Variants in HEBP2 observed in about 807,000 individuals in gnomAD.
The protein encoded by HEBP2 is heme-binding protein 2.
A neutral mutation model predicts 23.1 loss-of-function variants in HEBP2; 27 were observed. The observed-to-expected ratio is 1.17, with a 90% CI of 0.86 to 1.61. The LOEUF is 1.61. Ranked by LOEUF, HEBP2 falls within the 40% of genes most tolerant of loss-of-function variation. The pLI is 0.00. For synonymous variants in HEBP2, 99 were observed against 95.1 expected, an observed-to-expected ratio of 1.04 and a Z score of -0.24; for missense variants, 245 against 253.8, an observed-to-expected ratio of 0.97 and a Z score of 0.24.
chr6:138,406,350 G>T (rs1389941056), intron 3 of HEBP2, among the ~76,000 whole-genome samples, 199 bp downstream of exon 3: 2 of 152,210 alleles, frequency 1.3e-5, no homozygotes. Flanking sequence ...TTCATTTAAT[G>T]AGTCTATTGC....
At position 138,405,069 on chromosome 6, in the gene HEBP2, C is replaced by T. The variant is rs1392285562; in HGVS notation, c.103-76C>T. The T allele has an allele frequency of 3.9e-6, 6 of 1,525,626 alleles. No individual in the cohort carries two copies. The Admixed American group carries it at 7.5e-5, about 19-fold the overall frequency. The allele number at this position is 1,525,626 out of a possible 1,614,324, so 94.5% of individuals were successfully genotyped here. A position where few individuals can be genotyped will look rare whatever the true frequency, so the allele number is the denominator to read the frequency against. ...GGACGGCTCCAGGTCGACCCGAGAT[C>T]ATGGCACCGGTATTTTTGCATCTCA... On this transcript the variant is annotated intron_variant, in intron 1 of 3. Transcript: ENST00000607197.
At chr6:138,408,510 C>T (rs775357056) in intron 3 of HEBP2, among the ~76,000 whole-genome samples, 3 of 152,032 alleles carry the variant, frequency 2.0e-5, no homozygotes, top group African/African-American at 2.4e-5. Flanking sequence ...TGGCCTTTAC[C>T]GCAAATCACC....
chr6:138,414,459 C>G lies in HEBP2; in HGVS notation c.*1381C>G, dbSNP rs536461825. ...AAATTGTCATTGATTGTTTCTGGTA[C>G]TTAATTGCTACTGTGGCCAAAGGAT... On this transcript the variant is annotated 3_prime_UTR_variant, in exon 4 of 4. Coordinates refer to ENST00000607197, the MANE Select transcript of HEBP2 (RefSeq NM_014320.3). 2.6e-5 allele frequency: 4 copies of G among 152,280 alleles called. No homozygotes were observed. In the South Asian group the frequency reaches 8.3e-4, roughly 32 times the overall value. 9.4% of individuals were successfully genotyped at this position (152,280 alleles called of 1,614,324 possible). A position where few individuals can be genotyped will look rare whatever the true frequency, so the allele number is the denominator to read the frequency against.
upstream of HEBP2, among the ~76,000 whole-genome samples, chr6:138,403,907 A>G (rs1379913529): frequency 1.3e-5 from 2 of 152,104 alleles, no homozygotes; most frequent in African/African-American, 2.4e-5. Flanking sequence ...ACCTAGGACA[A>G]CTTCTTGGGA....
In HEBP2 at chr6:138,420,126, G is replaced by A. The variant is rs1280973578; in HGVS notation, c.*7048G>A. The A allele has an allele frequency of 6.6e-6, 1 of 152,236 alleles. No individual in the cohort carries two copies. Among genetic ancestry groups the A allele is most frequent in the African/African-American group, 2.4e-5 (1 of 41,434 alleles). The allele number at this position is 152,236 out of a possible 1,614,324, so 9.4% of individuals were successfully genotyped here. ...TGGACTAGTGCAGCAACCCTGGTCTGAGAAGGGTTTGGCTCCCAGGAGCTC... is the reference window on the plus strand; with the variant it reads ...TGGACTAGTGCAGCAACCCTGGTCTAAGAAGGGTTTGGCTCCCAGGAGCTC... On this transcript the variant is annotated 3_prime_UTR_variant, in exon 4 of 4. Transcript: ENST00000607197.
chr6:138,413,753 C>T lies in HEBP2; in HGVS notation c.*675C>T, dbSNP rs1774793874. The T allele has an allele frequency of 6.6e-6, 1 of 152,238 alleles. No individual in the cohort carries two copies. The highest frequency in any genetic ancestry group is 2.4e-5 in the African/African-American group (1 of 41,428). The allele number at this position is 152,238 out of a possible 1,614,324, so 9.4% of individuals were successfully genotyped here. A position where few individuals can be genotyped will look rare whatever the true frequency, so the allele number is the denominator to read the frequency against. On this transcript the variant is annotated 3_prime_UTR_variant, in exon 4 of 4. Transcript: ENST00000607197. ...TTCTTTAACTCATTGTAGGGAGTCC[C>T]TGCTATGTTCCAAGCACTCTGCTAA...
rs1774849830 is a variant in HEBP2 at position 138,416,871 on chromosome 6, C to T, written c.*3793C>T. 1 of 152,210 alleles carries T rather than the reference C, an allele frequency of 6.6e-6. No individual in the cohort carries two copies. The highest frequency in any genetic ancestry group is 1.5e-5 in the Non-Finnish European group (1 of 68,046). 9.4% of individuals were successfully genotyped at this position (152,210 alleles called of 1,614,324 possible). On this transcript the variant is annotated 3_prime_UTR_variant, in exon 4 of 4. Transcript: ENST00000607197. ...CAAAAACATGATTCCTTGCCAGTTT[C>T]TAGTTCAGTTTTCTGACCTAGAGCT...
Position 138,420,465 on chromosome 6 carries a change from A to G in HEBP2, c.*7387A>G, listed in dbSNP as rs1327091622. 6.6e-6 allele frequency: 1 copy of G among 152,202 alleles called. No individual in the cohort carries two copies. Among genetic ancestry groups the G allele is most frequent in the African/African-American group, 2.4e-5 (1 of 41,436 alleles). 9.4% of individuals were successfully genotyped at this position (152,202 alleles called of 1,614,324 possible). A position where few individuals can be genotyped will look rare whatever the true frequency, so the allele number is the denominator to read the frequency against. On this transcript the variant is annotated 3_prime_UTR_variant, in exon 4 of 4. Transcript: ENST00000607197. ...AGCGGTGCCACTTAGATCCCCCTTC[A>G]AGACAAGATATGCCATCCAGCTGCA...
At chr6:138,406,434 C>A (rs1774647213) in intron 3 of HEBP2, among the ~76,000 whole-genome samples, 1 of 152,172 alleles carries the variant, frequency 6.6e-6, no homozygotes, top group Non-Finnish European at 1.5e-5. Flanking sequence ...TAGACCTGAA[C>A]AAAAATACCT....
rs935316920 is a variant in HEBP2 at position 138,419,670 on chromosome 6, T to C, written c.*6592T>C. ...CCGTCTCCTGCACACAGTATACTTATTGAATCAGAAAGCCTGTATGATGCT... is the reference window on the plus strand; with the variant it reads ...CCGTCTCCTGCACACAGTATACTTACTGAATCAGAAAGCCTGTATGATGCT... On this transcript the variant is annotated 3_prime_UTR_variant, in exon 4 of 4. Transcript: ENST00000607197. The C allele has an allele frequency of 5.3e-5, 8 of 152,130 alleles. No homozygotes were observed. The highest frequency in any genetic ancestry group is 8.8e-5 in the Non-Finnish European group (6 of 68,026). 9.4% of individuals were successfully genotyped at this position (152,130 alleles called of 1,614,324 possible). A position where few individuals can be genotyped will look rare whatever the true frequency, so the allele number is the denominator to read the frequency against.
At chr6:138,409,023 CT>C (rs949482319) in intron 3 of HEBP2, among the ~76,000 whole-genome samples, 14 of 147,182 alleles carry the variant, frequency 9.5e-5, no homozygotes, top group South Asian at 2.2e-4. Context: ...ATAGGCTCCT[CT>C]TTTTTTTTTT....
rs1774927763 is a variant in HEBP2, at chr6:138,421,436, G to A, written c.*8358G>A. 6.6e-6 allele frequency: 1 copy of A among 152,340 alleles called. No homozygotes were observed. The highest frequency in any genetic ancestry group is 1.5e-5 in the Non-Finnish European group (1 of 68,046). 9.4% of individuals were successfully genotyped at this position (152,340 alleles called of 1,614,324 possible). On this transcript the variant is annotated 3_prime_UTR_variant, in exon 4 of 4. Coordinates refer to ENST00000607197, the MANE Select transcript of HEBP2 (RefSeq NM_014320.3). Reference sequence around the variant, plus strand: ...GTTCAATCAAGATTCTTCAGAAATAGTAGGATGGCAGAAAGCAGATCGCAT... The same window carrying A: ...GTTCAATCAAGATTCTTCAGAAATAATAGGATGGCAGAAAGCAGATCGCAT...
At chr6:138,404,628 G>A in intron 1 of HEBP2, 31 bp downstream of exon 1, 1 of 1,242,248 alleles carries the variant, frequency 8.0e-7, no homozygotes, top group Non-Finnish European at 1.0e-6. Flanking sequence ...GGAGGGGCTG[G>A]GCCCGCCTTC....
Position 138,404,412 on chromosome 6 carries a change from C to G in HEBP2, c.-84C>G, listed in dbSNP as rs1392259297. 2 of 946,160 alleles carry G rather than the reference C, an allele frequency of 2.1e-6. No individual in the cohort carries two copies. Among genetic ancestry groups the G allele is most frequent in the Admixed American group, 4.5e-5 (1 of 22,180 alleles). 58.6% of individuals were successfully genotyped at this position (946,160 alleles called of 1,614,324 possible). A position where few individuals can be genotyped will look rare whatever the true frequency, so the allele number is the denominator to read the frequency against. ...GCGGAGCGGGGACTCGGGGCCTCGG[C>G]GGGGCGCGCACACGCAGGCGGGGCG... On this transcript the variant is annotated 5_prime_UTR_variant, in exon 1 of 4. Coordinates refer to ENST00000607197, the MANE Select transcript of HEBP2 (RefSeq NM_014320.3).
chr6:138,408,346 G>A (rs1251280226), intron 3 of HEBP2, among the ~76,000 whole-genome samples: 1 of 152,182 alleles, frequency 6.6e-6, no homozygotes, highest in Non-Finnish European at 1.5e-5. Flanking sequence ...CTTAGAAAAT[G>A]TTCAGCCAAA....
rs551363132 is a variant in HEBP2 at position 138,406,612 on chromosome 6, T to C, written c.419+461T>C. Among the ~76,000 whole-genome samples the C allele has an allele frequency of 3.3e-5, 5 of 152,294 alleles. No homozygotes were observed. In the South Asian group the frequency reaches 8.3e-4, roughly 25 times the overall value. ...GAGGGCCCGTTTCCTGGTTCATAGA[T>C]GGAACCTTCTCAGAAATGCCCTCAT... On this transcript the variant is annotated intron_variant, in intron 3 of 3. Transcript: ENST00000607197.
rs1372854703 is a variant in HEBP2, at chr6:138,419,852, T to C, written c.*6774T>C. The C allele has an allele frequency of 6.6e-6, 1 of 152,202 alleles. No individual in the cohort carries two copies. Among genetic ancestry groups the C allele is most frequent in the Admixed American group, 6.5e-5 (1 of 15,282 alleles). The allele number at this position is 152,202 out of a possible 1,614,324, so 9.4% of individuals were successfully genotyped here. A position where few individuals can be genotyped will look rare whatever the true frequency, so the allele number is the denominator to read the frequency against. ...ATCAGAAGTCCTAGTTCTCAGAGACTGTATACCTTCTCTAGGCAATATTGC... is the reference window on the plus strand; with the variant it reads ...ATCAGAAGTCCTAGTTCTCAGAGACCGTATACCTTCTCTAGGCAATATTGC... On this transcript the variant is annotated 3_prime_UTR_variant, in exon 4 of 4. Transcript: ENST00000607197.
rs1405026155 is a variant in HEBP2, at chr6:138,421,064, TGAGA to T, written c.*7989_*7992del. Reference sequence around the variant, plus strand: ...TGGAAGGTAGGTCAGAGCAGGCAACTGAGAGAAACTGTATTACAGTTACCGAGTG... The same window carrying T: ...TGGAAGGTAGGTCAGAGCAGGCAACTGAAACTGTATTACAGTTACCGAGTG... On this transcript the variant is annotated 3_prime_UTR_variant, in exon 4 of 4. Coordinates refer to ENST00000607197, the MANE Select transcript of HEBP2 (RefSeq NM_014320.3). The T allele has an allele frequency of 6.6e-6, 1 of 152,184 alleles. No homozygotes were observed. Among genetic ancestry groups the T allele is most frequent in the Non-Finnish European group, 1.5e-5 (1 of 68,042 alleles). The allele number at this position is 152,184 out of a possible 1,614,324, so 9.4% of individuals were successfully genotyped here. A position where few individuals can be genotyped will look rare whatever the true frequency, so the allele number is the denominator to read the frequency against.
chr6:138,411,969 A>T, intron 3 of HEBP2: 1 of 379,042 alleles, frequency 2.6e-6, no homozygotes, highest in Non-Finnish European at 5.1e-6. Context: ...AAAAAACCTC[A>T]GGATGTATAG....
Sources: gnomAD v4.1 joint callset for allele counts (sites outside exome capture counted in the v4.1 genomes callset) on GRCh38, gnomAD v4.1.1 for gene constraint, MANE v1.5 for transcripts, NCBI Gene and HGNC (gene_info 2026-07-23, HGNC 2026-07-21) for gene names.